THBS4: variants seen among roughly 807,000 people sequenced by gnomAD.
THBS4 encodes thrombospondin-4.
A neutral mutation model predicts 115.7 loss-of-function variants in THBS4; 90 were observed. The ratio of observed to expected loss-of-function variants is 0.78; its 90% CI spans 0.66 to 0.93. The LOEUF is 0.93. Ranked by LOEUF, THBS4 falls within the 40% of genes least tolerant of loss-of-function variation. The pLI is 0.00. For synonymous variants in THBS4, 460 were observed against 479.3 expected, an observed-to-expected ratio of 0.96 and a Z score of 0.53; for missense variants, 1,087 against 1,232.7, an observed-to-expected ratio of 0.88 and a Z score of 1.77.
intron 2 of THBS4, among the ~76,000 whole-genome samples, chr5:80,000,578 G>C (rs1411707671): frequency 2.6e-5 from 4 of 152,136 alleles, no homozygotes; most frequent in Non-Finnish European, 5.9e-5. Context: ...TTCCATCCTA[G>C]GGATGGGACA....
rs779819551 is a variant in THBS4 at position 80,079,105 on chromosome 5, T to C, written c.2358T>C (p.His786=). 20 of 1,614,020 alleles carry C rather than the reference T, an allele frequency of 1.2e-5. No individual in the cohort carries two copies. The South Asian group carries it at 1.6e-4, about 13-fold the overall frequency. The change falls in exon 19 of 22, where the codon CAT becomes CAC. Residue 786 remains histidine, a synonymous_variant. Coordinates refer to ENST00000350881, the MANE Select transcript of THBS4 (RefSeq NM_003248.6). ...GAGTTGACTTCGAAGGGACCTTCCA[T>C]GTGAATACCCAGACAGATGATGACT... The part of the protein sequence containing the change: ...FNGVDFEGTF[H]VNTQTDDDYA...
At chr5:80,042,661 A>G (rs2112039625) in intron 2 of THBS4, among the ~76,000 whole-genome samples, 1 of 152,334 alleles carries the variant, frequency 6.6e-6, no homozygotes, top group Middle Eastern at 3.4e-3. Flanking sequence ...AATCACCAGT[A>G]ATATGAGTCA....
chr5:80,068,315 A>G (rs1833911102), intron 10 of THBS4, among the ~76,000 whole-genome samples, 190 bp downstream of exon 10: 1 of 152,116 alleles, frequency 6.6e-6, no homozygotes, highest in Non-Finnish European at 1.5e-5. Context: ...TCTAACCATC[A>G]GCTGCCTTTT....
intron 2 of THBS4, among the ~76,000 whole-genome samples, chr5:80,015,859 T>G (rs1308077442): frequency 6.6e-6 from 1 of 152,206 alleles, no homozygotes; most frequent in African/African-American, 2.4e-5. Flanking sequence ...GCAAGGTATC[T>G]TTTACGAGGT....
At chr5:80,020,873 C>T (rs1254648975) in intron 2 of THBS4, among the ~76,000 whole-genome samples, 1 of 152,162 alleles carries the variant, frequency 6.6e-6, no homozygotes, top group Non-Finnish European at 1.5e-5. Context: ...GAAATGTAAA[C>T]ATTGCATGCA....
At chr5:80,082,321 A>G (rs1743551682) in intron 20 of THBS4, 85 bp from the exon 21 acceptor site, 3 of 1,556,542 alleles carry the variant, frequency 1.9e-6, no homozygotes, top group Middle Eastern at 2.2e-4. Flanking sequence ...AGGTACGTAT[A>G]AGAAGTGGGG....
At chr5:80,039,882 C>T (rs902240086) in intron 1 of THBS4, among the ~76,000 whole-genome samples, 195 bp from the exon 2 acceptor site, 1 of 152,206 alleles carries the variant, frequency 6.6e-6, no homozygotes, top group African/African-American at 2.4e-5. Flanking sequence ...TGTATTTCTT[C>T]TGGCTCAAAT....
At chr5:79,994,024 C>T (rs565754440) in intron 1 of THBS4, among the ~76,000 whole-genome samples, 1 of 152,336 alleles carries the variant, frequency 6.6e-6, no homozygotes, top group South Asian at 2.1e-4. Context: ...AATCATTTTA[C>T]ATTGATACCT....
chr5:79,993,429 A>G lies in THBS4; in HGVS notation n.81+2017A>G, dbSNP rs546170930. Among the ~76,000 whole-genome samples the G allele has an allele frequency of 7.9e-5, 12 of 152,292 alleles. No homozygotes were observed. The East Asian group carries it at 2.1e-3, about 27-fold the overall frequency. The stretch of plus-strand genomic sequence containing the variant: ...GAAGCCTTCAGAAATTATGCCTGGT[A>G]TGGTTAGTTGGCTCCTGTGCCTTTT... On this transcript the variant is annotated intron_variant and non_coding_transcript_variant, in intron 1 of 3. Transcript: ENST00000510218.
intron 9 of THBS4, among the ~76,000 whole-genome samples, chr5:80,065,788 G>T (rs1301862690): frequency 6.6e-6 from 1 of 152,104 alleles, no homozygotes; most frequent in East Asian, 1.9e-4. Flanking sequence ...TGAAGAGCTT[G>T]GTAGTTTATA....
chr5:80,047,943 C>T (rs999949482), intron 2 of THBS4, among the ~76,000 whole-genome samples: 11 of 151,842 alleles, frequency 7.2e-5, no homozygotes, highest in African/African-American at 2.7e-4. Context: ...CCGCACCCAG[C>T]CAAAAATACA....
intron 7 of THBS4, 140 bp from the exon 8 acceptor site, chr5:80,061,555 T>G: frequency 8.7e-7 from 1 of 1,148,752 alleles, no homozygotes; most frequent in African/African-American, 1.5e-5. Flanking sequence ...GTAACTGGAG[T>G]TGGAAGCCTT....
intron 10 of THBS4, chr5:80,068,445 G>A (rs951911440): frequency 3.5e-6 from 1 of 285,850 alleles, no homozygotes; most frequent in Non-Finnish European, 6.7e-6. Context: ...GCAGCAGGGA[G>A]GTGAAGGAAC....
At position 80,072,437 on chromosome 5, in the gene THBS4, C is replaced by T. The variant is rs760282461; in HGVS notation, c.1839+41C>T. ...GGGAATTCAAACTCCAGGCTGAATT[C>T]CTCTATGCAAAGACTCATTTAAGAC... is the stretch of plus-strand genomic sequence containing the variant. On this transcript the variant is annotated intron_variant, in intron 14 of 21. Transcript: ENST00000350881. 9.0e-6 allele frequency: 14 copies of T among 1,558,450 alleles called. 1 individual carries two copies. Among genetic ancestry groups the T allele is most frequent in the Non-Finnish European group, 1.2e-5 (13 of 1,130,296 alleles).
rs776578187 is a variant in THBS4 at position 80,035,666 on chromosome 5, G to C, written c.88+41G>C. ...TCGGGCCTGGGAGCGCCGGGCACCG[G>C]GTGCCCCATCTGCTGAGTGAGTGGA... is the stretch of plus-strand genomic sequence containing the variant. On this transcript the variant is annotated intron_variant, in intron 1 of 21. Coordinates refer to ENST00000350881, the MANE Select transcript of THBS4 (RefSeq NM_003248.6). This position sits in a 1 kb window ranked among gnomAD's most constrained non-coding sequence, Gnocchi z 4.6. 2.3e-5 allele frequency: 29 copies of C among 1,281,428 alleles called. No individual in the cohort carries two copies. Among genetic ancestry groups the C allele is most frequent in the Non-Finnish European group, 2.9e-5 (29 of 1,005,420 alleles). The allele number at this position is 1,281,428 out of a possible 1,614,324, so 79.4% of individuals were successfully genotyped here.
chr5:80,025,242 T>A (rs1319435054), intron 2 of THBS4, among the ~76,000 whole-genome samples: 2 of 152,220 alleles, frequency 1.3e-5, no homozygotes, highest in Non-Finnish European at 2.9e-5. Flanking sequence ...TGTTTACTTA[T>A]AATAAACATG....
intron 2 of THBS4, among the ~76,000 whole-genome samples, chr5:80,024,956 A>G (rs886789095): frequency 6.6e-6 from 1 of 152,184 alleles, no homozygotes; most frequent in East Asian, 1.9e-4. Context: ...TTCCTTGGGA[A>G]GGTTGTTCAA....
At chr5:80,080,775 T>G (rs915029671) in intron 20 of THBS4, among the ~76,000 whole-genome samples, 3 of 151,688 alleles carry the variant, frequency 2.0e-5, no homozygotes, top group Non-Finnish European at 4.4e-5. Flanking sequence ...TTAGTAGAGA[T>G]GGGGTTTCAC....
chr5:80,040,439 T>G (rs1832861503), intron 2 of THBS4, among the ~76,000 whole-genome samples, 159 bp downstream of exon 2: 1 of 124,040 alleles, frequency 8.1e-6, no homozygotes, highest in Admixed American at 8.6e-5. Flanking sequence ...TACATTTACC[T>G]ATATTGGCGG....
Sources: allele counts gnomAD v4.1 joint callset (sites outside exome capture counted in the v4.1 genomes callset), GRCh38; gene constraint gnomAD v4.1.1; non-coding constraint Gnocchi (gnomAD v3.1); transcripts MANE v1.5; gene names NCBI Gene and HGNC (gene_info 2026-07-23, HGNC 2026-07-21).